CNTN5: variants seen among roughly 807,000 people sequenced by gnomAD.
CNTN5 encodes contactin-5.
A neutral mutation model predicts 129.1 loss-of-function variants in CNTN5; 77 were observed. The observed-to-expected ratio is 0.60, with a 90% CI of 0.50 to 0.72. The LOEUF (loss-of-function observed/expected upper bound fraction) is 0.72. Ranked by LOEUF, CNTN5 falls within the 30% of genes least tolerant of loss-of-function variation. The probability of loss-of-function intolerance (pLI) is 0.00; values close to 1 mark genes in which losing one functional copy is unlikely to be tolerated. For synonymous variants in CNTN5, 509 were observed against 465.6 expected, an observed-to-expected ratio of 1.09 and a Z score of -1.20; for missense variants, 1,478 against 1,328.8, an observed-to-expected ratio of 1.11 and a Z score of -1.75.
At chr11:99,614,283 AT>A (rs936341413) in intron 3 of CNTN5, among the ~76,000 whole-genome samples, 2 of 152,220 alleles carry the variant, frequency 1.3e-5, no homozygotes, top group African/African-American at 2.4e-5. Flanking sequence ...ACATACAATC[AT>A]TTCTCAGGTT....
At chr11:99,208,868 T>C (rs916587012) in intron 1 of CNTN5, among the ~76,000 whole-genome samples, 4 of 152,246 alleles carry the variant, frequency 2.6e-5, no homozygotes, top group Admixed American at 2.0e-4. Flanking sequence ...TGGCATAAAA[T>C]GCCTTGTTTA....
At chr11:99,134,023 CT>C (rs1340158686) in intron 1 of CNTN5, among the ~76,000 whole-genome samples, 2 of 152,074 alleles carry the variant, frequency 1.3e-5, no homozygotes, top group Admixed American at 1.3e-4. Context: ...CAATGATAGA[CT>C]GGATAAAGAA....
intron 7 of CNTN5, among the ~76,000 whole-genome samples, chr11:99,917,203 G>A (rs893626646): frequency 6.6e-6 from 1 of 151,980 alleles, no homozygotes; most frequent in Non-Finnish European, 1.5e-5. Flanking sequence ...TACAATTAGG[G>A]TAATTATTGT....
intron 3 of CNTN5, among the ~76,000 whole-genome samples, chr11:99,637,944 G>GT (rs1312430463): frequency 6.6e-6 from 1 of 151,964 alleles, no homozygotes; most frequent in Admixed American, 6.6e-5. Context: ...CTTGTAGGTT[G>GT]TTTTTATTTT....
At chr11:99,919,275 T>C (rs186457911) in intron 7 of CNTN5, among the ~76,000 whole-genome samples, 138 of 152,026 alleles carry the variant, frequency 9.1e-4, no homozygotes, top group Non-Finnish European at 1.7e-3. Context: ...GTAGTTCATC[T>C]TTTTTTGCCT....
At chr11:99,646,333 T>G (rs1565384865) in intron 3 of CNTN5, among the ~76,000 whole-genome samples, 1 of 152,220 alleles carries the variant, frequency 6.6e-6, no homozygotes, top group Non-Finnish European at 1.5e-5. Flanking sequence ...TTGTTTTCCC[T>G]TTTTTGCTAT....
At chr11:99,560,350 T>G (rs1028218394) in intron 3 of CNTN5, among the ~76,000 whole-genome samples, 1 of 151,494 alleles carries the variant, frequency 6.6e-6, no homozygotes, top group African/African-American at 2.4e-5. Context: ...TGCAGTGCAG[T>G]GAAGCTATCT....
intron 3 of CNTN5, among the ~76,000 whole-genome samples, chr11:99,750,862 T>C (rs564037338): frequency 1.3e-5 from 2 of 152,330 alleles, no homozygotes; most frequent in South Asian, 2.1e-4. Flanking sequence ...GAGCAATCTA[T>C]AGCCTGGAGC....
intron 21 of CNTN5, among the ~76,000 whole-genome samples, chr11:100,314,324 C>A (rs1056819377): frequency 6.6e-6 from 1 of 152,122 alleles, no homozygotes; most frequent in African/African-American, 2.4e-5. Context: ...GCAGAAAACT[C>A]TTTTAGCCTC....
intron 3 of CNTN5, among the ~76,000 whole-genome samples, chr11:99,706,554 G>C (rs1055858771): frequency 1.3e-5 from 2 of 151,282 alleles, no homozygotes; most frequent in Admixed American, 1.3e-4. Context: ...TACAAAATAA[G>C]ACCAATTCCC....
At chr11:99,356,840 A>G (rs148199683) in intron 2 of CNTN5, among the ~76,000 whole-genome samples, 1,884 of 152,294 alleles carry the variant, frequency 0.012, 30 homozygotes, top group Non-Finnish European at 0.018. Flanking sequence ...TCAGGAAATA[A>G]TTAGGTTCTG....
intron 8 of CNTN5, among the ~76,000 whole-genome samples, chr11:99,993,303 T>C (rs1274205014): frequency 6.6e-6 from 1 of 152,174 alleles, no homozygotes. Flanking sequence ...TCCCTAATTT[T>C]GCAACACTTT....
chr11:99,515,834 A>G (rs944690866), intron 2 of CNTN5, among the ~76,000 whole-genome samples: 1 of 151,984 alleles, frequency 6.6e-6, no homozygotes, highest in South Asian at 2.1e-4. Context: ...TATTCATTAT[A>G]TCAATTGCTA....
At chr11:100,351,884 T>C (rs1471470002) in intron 24 of CNTN5, among the ~76,000 whole-genome samples, 1 of 151,392 alleles carries the variant, frequency 6.6e-6, no homozygotes, top group East Asian at 1.9e-4. Flanking sequence ...CAACTTGAAG[T>C]CAGACCAGAG....
intron 1 of CNTN5, among the ~76,000 whole-genome samples, chr11:99,085,595 G>A (rs1284173949): frequency 6.6e-6 from 1 of 152,016 alleles, no homozygotes; most frequent in Non-Finnish European, 1.5e-5. Context: ...AGTCTCCAAA[G>A]ACACATTAGC....
intron 2 of CNTN5, among the ~76,000 whole-genome samples, chr11:99,485,541 A>G (rs944861754): frequency 6.6e-6 from 1 of 152,092 alleles, no homozygotes; most frequent in African/African-American, 2.4e-5. Flanking sequence ...GACAGGGGAC[A>G]TAAAGGAACT....
intron 16 of CNTN5, among the ~76,000 whole-genome samples, chr11:100,231,842 C>A (rs529251392): frequency 1.3e-5 from 2 of 152,028 alleles, no homozygotes; most frequent in African/African-American, 4.8e-5. Context: ...ATTTTAAAGT[C>A]GGGTGGGAAT....
intron 2 of CNTN5, among the ~76,000 whole-genome samples, chr11:99,404,406 G>T (rs1297685479): frequency 2.6e-5 from 4 of 151,416 alleles, no homozygotes; most frequent in African/African-American, 9.7e-5. Context: ...TTTTCTGGTT[G>T]TTTTGTGGTC....
chr11:99,738,113 A>G (rs1409544599), intron 3 of CNTN5, among the ~76,000 whole-genome samples: 1 of 152,176 alleles, frequency 6.6e-6, no homozygotes, highest in African/African-American at 2.4e-5. Context: ...GGACTGAATT[A>G]TGCCTCCCGA....
Sources: gnomAD v4.1 joint callset for allele counts (sites outside exome capture counted in the v4.1 genomes callset) on GRCh38, gnomAD v4.1.1 for gene constraint, MANE v1.5 for transcripts, NCBI Gene and HGNC (gene_info 2026-07-23, HGNC 2026-07-21) for gene names.